MLC1: variants seen among roughly 807,000 people sequenced by gnomAD.
MLC1 encodes modulator of VRAC current 1.
MLC1 carries 32 observed loss-of-function variants against 44.7 expected under a neutral mutation model. The ratio of observed to expected loss-of-function variants is 0.72; its 90% CI spans 0.54 to 0.96. The LOEUF (loss-of-function observed/expected upper bound fraction) is 0.96. Among genes scored for constraint, MLC1 ranks in the 40% least tolerant of loss-of-function variants. The probability of loss-of-function intolerance (pLI) is 0.00; values close to 1 mark genes in which losing one functional copy is unlikely to be tolerated. For missense variants in MLC1, 459 were observed against 492.2 expected, an observed-to-expected ratio of 0.93 and a Z score of 0.64; for synonymous variants, 190 against 213.0, an observed-to-expected ratio of 0.89 and a Z score of 0.94.
chr22:50,073,540 G>C (rs551467715), intron 8 of MLC1, among the ~76,000 whole-genome samples: 1 of 152,208 alleles, frequency 6.6e-6, no homozygotes, highest in East Asian at 1.9e-4. Context: ...AGACCAGCCT[G>C]GCCAACATGG....
rs936061235 is a variant in MLC1 at position 50,061,638 on chromosome 22, T to G, written c.1079A>C (p.Lys360Thr). 3 of 1,613,488 alleles carry G rather than the reference T, an allele frequency of 1.9e-6. No individual in the cohort carries two copies. In the African/African-American group the frequency reaches 4.0e-5, roughly 22 times the overall value. ...CCAGGCTTTCTCCTTGTCGAACTCC[T>G]TCAGGGGGCTCCTGGCCACCTGCAA... ...LAGEVARSPLKEFDKEKAWRA... is the reference protein window; with the variant it reads ...LAGEVARSPLTEFDKEKAWRA... Residue 360 changes from lysine (K) to threonine (T), a missense_variant, in exon 12 of 12, where the codon AAG becomes ACG. Coordinates refer to ENST00000311597, the MANE Select transcript of MLC1 (RefSeq NM_015166.4).
chr22:50,062,224 G>A (rs1249473532), intron 11 of MLC1, among the ~76,000 whole-genome samples: 41 of 113,452 alleles, frequency 3.6e-4, no homozygotes, highest in African/African-American at 1.6e-3. Flanking sequence ...CTGAGCCCCA[G>A]CCGCCCACCC....
chr22:50,063,772 T>C (rs4513390), intron 11 of MLC1, among the ~76,000 whole-genome samples: 703 of 7,248 alleles, frequency 0.097, no homozygotes, highest in East Asian at 0.11. Flanking sequence ...CTCACCTCCC[T>C]GGCTGGGCCC....
rs376812050 is a variant in MLC1 at position 50,083,154 on chromosome 22, G to C, written c.197C>G (p.Ser66Trp). ...VLMGSCLLVT[S>W]GFSLYLGNVF... ...GTTCCCCAGGTACAGCGAAAACCCC[G>C]AGGTCACCAGGAGGCAGCTCTGCAA... Residue 66 changes from serine to tryptophan, a missense_variant, in exon 3 of 12, where the codon TCG becomes TGG. Ser to Trp is a radical substitution (Grantham distance 177). Coordinates refer to ENST00000311597, the MANE Select transcript of MLC1 (RefSeq NM_015166.4). The surrounding 1 kb of genome is among the most constrained non-coding windows in gnomAD (Gnocchi z 4.6). 1 of 1,613,890 alleles carries C rather than the reference G, an allele frequency of 6.2e-7. No homozygotes were observed. The highest frequency in any genetic ancestry group is 2.2e-5 in the East Asian group (1 of 44,894).
intron 1 of MLC1, 77 bp downstream of exon 1, chr22:50,085,278 A>G: frequency 9.7e-7 from 1 of 1,030,110 alleles, no homozygotes; most frequent in Non-Finnish European, 1.2e-6. Flanking sequence ...CAAGCACGTT[A>G]AACTGCTCCA....
chr22:50,071,367 C>T (rs2061847676), intron 8 of MLC1, among the ~76,000 whole-genome samples: 2 of 152,322 alleles, frequency 1.3e-5, no homozygotes, highest in African/African-American at 4.8e-5. Context: ...GCTGGGATTA[C>T]AGGCATGAGC....
chr22:50,082,665 C>G (rs995206631), intron 3 of MLC1, among the ~76,000 whole-genome samples: 7 of 151,792 alleles, frequency 4.6e-5, no homozygotes, highest in Non-Finnish European at 8.8e-5. Flanking sequence ...TTGTTTTTTT[C>G]TTGTTGTTGT....
rs80358243 is a variant in MLC1, at chr22:50,083,183, A to G, written c.178-10T>C. On this transcript the variant is annotated splice_polypyrimidine_tract_variant and intron_variant, in intron 2 of 11. Coordinates refer to ENST00000311597, the MANE Select transcript of MLC1 (RefSeq NM_015166.4). This position sits in a 1 kb window ranked among gnomAD's most constrained non-coding sequence, Gnocchi z 4.6. ...TCACCAGGAGGCAGCTCTGCAAGAC[A>G]GCGACAGAATCCCAGGTTACAACGC... 1 of 1,613,068 alleles carries G rather than the reference A, an allele frequency of 6.2e-7. No individual in the cohort carries two copies. Among genetic ancestry groups the G allele is most frequent in the East Asian group, 2.2e-5 (1 of 44,866 alleles).
At chr22:50,063,910 G>C in intron 11 of MLC1, 124 bp downstream of exon 11, 4 of 1,035,060 alleles carry the variant, frequency 3.9e-6, no homozygotes, top group Non-Finnish European at 4.0e-6. Flanking sequence ...CCCCGGCTGG[G>C]CACCCCTGTG....
chr22:50,070,885 A>G (rs1015037976), intron 8 of MLC1, among the ~76,000 whole-genome samples: 1 of 152,194 alleles, frequency 6.6e-6, no homozygotes, highest in Non-Finnish European at 1.5e-5. Flanking sequence ...CAAAATCACC[A>G]GAGTCCTTGA....
rs897748819 is a variant in MLC1 at position 50,059,587 on chromosome 22, G to C, written c.*1996C>G. The C allele has an allele frequency of 6.6e-6, 1 of 151,068 alleles. No homozygotes were observed. The highest frequency in any genetic ancestry group is 1.9e-4 in the East Asian group (1 of 5,300). 9.4% of individuals were successfully genotyped at this position (151,068 alleles called of 1,614,324 possible). On this transcript the variant is annotated 3_prime_UTR_variant, in exon 12 of 12. Transcript: ENST00000311597. ...CTTGAGCTCTCTGGTCTGCCCCCAA[G>C]AAGACATCAGCCCGCCCCGGGTCGT...
chr22:50,068,598 G>A, intron 9 of MLC1, 43 bp from the exon 10 acceptor site: 1 of 1,604,614 alleles, frequency 6.2e-7, no homozygotes, highest in East Asian at 2.2e-5. Flanking sequence ...CCGGAGCCTG[G>A]GAGCCCAGGA....
At chr22:50,061,916 G>GCC (rs2061567808) in intron 11 of MLC1, among the ~76,000 whole-genome samples, 3 of 152,220 alleles carry the variant, frequency 2.0e-5, no homozygotes, top group Non-Finnish European at 4.4e-5. Context: ...CCTTCACTCG[G>GCC]CCCCTTGCCC....
In MLC1 at chr22:50,083,697, C is replaced by T. The variant is rs1329581608; in HGVS notation, c.178-524G>A. Among the ~76,000 whole-genome samples the T allele has an allele frequency of 6.6e-6, 1 of 152,172 alleles. No homozygotes were observed. Among genetic ancestry groups the T allele is most frequent in the Non-Finnish European group, 1.5e-5 (1 of 68,032 alleles). On this transcript the variant is annotated intron_variant, in intron 2 of 11. Transcript: ENST00000311597. The surrounding 1 kb of genome is among the most constrained non-coding windows in gnomAD (Gnocchi z 4.6). The stretch of plus-strand genomic sequence containing the variant: ...GAGGCAGGGAGGGTGCTCTCTCTCA[C>T]GCACAGCACTGCAGGGGTGCGGTGG...
chr22:50,068,465 C>G lies in MLC1; in HGVS notation c.862G>C (p.Glu288Gln). The change falls in exon 10 of 12, where the codon GAG (glutamate) becomes CAG (glutamine). Residue 288 changes from glutamate to glutamine, a missense_variant. Transcript: ENST00000311597. ...GCTGGCGGGTAATCCTTAAACATCT[C>G]CACGATTCTCATGATGCTGAATGAC... The part of the protein sequence containing the change: ...YLSFSIMRIV[E>Q]MFKDYPPAIK... The G allele has an allele frequency of 6.2e-7, 1 of 1,613,908 alleles. No homozygotes were observed. The highest frequency in any genetic ancestry group is 1.3e-5 in the African/African-American group (1 of 75,046).
At chr22:50,068,750 A>G (rs2061779900) in intron 9 of MLC1, among the ~76,000 whole-genome samples, 195 bp from the exon 10 acceptor site, 1 of 111,990 alleles carries the variant, frequency 8.9e-6, no homozygotes. Flanking sequence ...TTTTTTTGAG[A>G]CAAGTCTCGC....
At chr22:50,068,322 G>A (rs1038596301) in intron 10 of MLC1, 111 bp downstream of exon 10, 100 of 1,463,094 alleles carry the variant, frequency 6.8e-5, no homozygotes, top group Non-Finnish European at 9.2e-5. Flanking sequence ...GTGCCTCCTG[G>A]AGCTGTCCCT....
At position 50,084,974 on chromosome 22, in the gene MLC1, T is replaced by C. The variant is rs1383445718; in HGVS notation, c.-59-13A>G. 1 of 1,586,724 alleles carries C rather than the reference T, an allele frequency of 6.3e-7. No individual in the cohort carries two copies. Among genetic ancestry groups the C allele is most frequent in the African/African-American group, 1.3e-5 (1 of 74,710 alleles). ...ACCAGTTCTTTATCTGGAATAAAAT[T>C]ATCATCGGCTTTGGCCACTCTGAGG... On this transcript the variant is annotated splice_polypyrimidine_tract_variant and intron_variant, in intron 1 of 11. Transcript: ENST00000311597.
At chr22:50,085,262 G>A in intron 1 of MLC1, 93 bp downstream of exon 1, 13 of 1,165,924 alleles carry the variant, frequency 1.1e-5, no homozygotes, top group Non-Finnish European at 1.4e-5. Flanking sequence ...CATCACGCCG[G>A]GGACTCAAGC....
Sources: allele counts gnomAD v4.1 joint callset (sites outside exome capture counted in the v4.1 genomes callset), GRCh38; gene constraint gnomAD v4.1.1; non-coding constraint Gnocchi (gnomAD v3.1); transcripts MANE v1.5; gene names NCBI Gene and HGNC (gene_info 2026-07-23, HGNC 2026-07-21).